Variants in CDK17 observed in about 807,000 individuals in gnomAD.
CDK17 encodes the protein cyclin dependent kinase 17.
Under a neutral mutation model 77.6 loss-of-function variants are expected in CDK17, and 24 were observed. That is an observed-to-expected ratio of 0.31 (90% CI 0.22 to 0.44). The LOEUF (loss-of-function observed/expected upper bound fraction) is 0.44, where lower values mean the gene tolerates loss of function less well. Ranked by LOEUF, CDK17 falls within the 20% of genes least tolerant of loss-of-function variation. The pLI, the probability that CDK17 is intolerant of heterozygous loss-of-function variation, is 1.00. For missense variants in CDK17, 429 were observed against 622.5 expected (o/e 0.69, Z 3.31); for synonymous variants, 203 against 210.4 (o/e 0.96, Z 0.30).
At chr12:96,289,113 AAC>A in intron 11 of CDK17, 52 bp downstream of exon 11, 3 of 1,566,062 alleles carry the variant, frequency 1.9e-6, no homozygotes, top group South Asian at 2.2e-5. Context: ...ATCTTGCATT[AAC>A]AGTTACATTC....
chr12:96,288,300 A>G (rs1467382741), intron 11 of CDK17, among the ~76,000 whole-genome samples: 2 of 152,212 alleles, frequency 1.3e-5, no homozygotes, highest in Admixed American at 6.5e-5. Flanking sequence ...CATGAAGAAC[A>G]TAGAAAATAA....
chr12:96,335,769 G>C (rs1357751432), intron 1 of CDK17, among the ~76,000 whole-genome samples: 1 of 152,060 alleles, frequency 6.6e-6, no homozygotes. Context: ...ATTCATAGTA[G>C]AGTCTTGGAT....
rs1324515076 is a variant in CDK17 at position 96,383,831 on chromosome 12, T to G, written c.-30+16155A>C. Among the ~76,000 whole-genome samples the G allele has an allele frequency of 2.6e-5, 4 of 151,998 alleles. No individual in the cohort carries two copies. In the East Asian group the frequency reaches 7.7e-4, roughly 29 times the overall value. On this transcript the variant is annotated intron_variant, in intron 1 of 16. Coordinates refer to ENST00000261211, the MANE Select transcript of CDK17 (RefSeq NM_002595.5). ...TCCTAGAAGAAAACCCAGGAAACAC[T>G]CTTCCAGACATCAGCATTGGCAAAG...
intron 9 of CDK17, among the ~76,000 whole-genome samples, chr12:96,295,735 G>A (rs753561426): frequency 2.0e-5 from 3 of 152,106 alleles, no homozygotes; most frequent in Non-Finnish European, 4.4e-5. Flanking sequence ...CTCCTACTTA[G>A]CCTTCAAAAT....
At chr12:96,336,382 T>C (rs2137145974) in intron 1 of CDK17, among the ~76,000 whole-genome samples, 1 of 152,312 alleles carries the variant, frequency 6.6e-6, no homozygotes, top group African/African-American at 2.4e-5. Context: ...GAGGATCACT[T>C]TGAGCCCATG....
At chr12:96,349,969 A>C (rs1953286459) in intron 1 of CDK17, among the ~76,000 whole-genome samples, 1 of 152,262 alleles carries the variant, frequency 6.6e-6, no homozygotes, top group Admixed American at 6.5e-5. Flanking sequence ...GTATTTCTAT[A>C]GGTTAGCAAT....
chr12:96,298,888 G>A lies in CDK17; in HGVS notation c.696C>T (p.Pro232=). The part of the protein sequence containing the change: ...EIRLEHEEGA[P]CTAIREVSLL... ...TTATACCTTCTCTTATAGCTGTGCA[G>A]GGTGCACCTTCTTCATGTTCCAATC... Residue 232 remains proline (P), a synonymous_variant, in exon 7 of 17, where the codon CCC becomes CCT. Transcript: ENST00000261211. The A allele has an allele frequency of 6.3e-7, 1 of 1,590,808 alleles. No homozygotes were observed. The highest frequency in any genetic ancestry group is 8.6e-7 in the Non-Finnish European group (1 of 1,160,018).
intron 1 of CDK17, among the ~76,000 whole-genome samples, chr12:96,354,689 T>C (rs546262148): frequency 5.9e-5 from 9 of 152,068 alleles, no homozygotes; most frequent in Non-Finnish European, 1.2e-4. Flanking sequence ...AAGACCAGCC[T>C]TGGCAACATA....
chr12:96,324,141 C>A, intron 2 of CDK17, 29 bp from the exon 3 acceptor site: 1 of 1,565,074 alleles, frequency 6.4e-7, no homozygotes, highest in Non-Finnish European at 8.7e-7. Context: ...GAAAATCATT[C>A]CATCATCAGT....
At position 96,303,426 on chromosome 12, in the gene CDK17, A is replaced by G. The variant is rs149335745; in HGVS notation, c.544-3066T>C. On this transcript the variant is annotated intron_variant, in intron 5 of 16. Transcript: ENST00000261211. ...ATGCCAACTATAATCACAAGTTGTC[A>G]TGGTGGGGGTATTTGGGAAAAATTT... 10 of 152,320 alleles carry G rather than the reference A, an allele frequency of 6.6e-5. 1 individual carries two copies. The highest frequency in any genetic ancestry group is 2.4e-4 in the African/African-American group (10 of 41,584). 9.4% of individuals were successfully genotyped at this position (152,320 alleles called of 1,614,324 possible). A position where few individuals can be genotyped will look rare whatever the true frequency, so the allele number is the denominator to read the frequency against.
rs908578665 is a variant in CDK17 at position 96,308,994 on chromosome 12, C to G, written c.543+2058G>C. Reference sequence around the variant, plus strand: ...CTTTCTCTCTAATTCATTGTTTGTACTTTTCCTAAAGCTATTGCTATGAAA... The same window carrying G: ...CTTTCTCTCTAATTCATTGTTTGTAGTTTTCCTAAAGCTATTGCTATGAAA... On this transcript the variant is annotated intron_variant, in intron 5 of 16. Transcript: ENST00000261211. 2.0e-5 allele frequency among the ~76,000 whole-genome samples: 3 copies of G among 152,070 alleles called. No homozygotes were observed. In the East Asian group the frequency reaches 5.8e-4, roughly 29 times the overall value.
intron 1 of CDK17, among the ~76,000 whole-genome samples, chr12:96,368,100 A>G (rs960872871): frequency 6.6e-6 from 1 of 152,122 alleles, no homozygotes; most frequent in African/African-American, 2.4e-5. Context: ...GGAAAAGTTC[A>G]ATAGGAAAAA....
chr12:96,360,143 G>C (rs1210022773), intron 1 of CDK17, among the ~76,000 whole-genome samples: 3 of 152,174 alleles, frequency 2.0e-5, no homozygotes, highest in Admixed American at 1.3e-4. Context: ...GGAGAGGAAA[G>C]CATACTGCAA....
intron 5 of CDK17, among the ~76,000 whole-genome samples, chr12:96,303,945 T>C (rs1434881912): frequency 6.6e-6 from 1 of 152,208 alleles, no homozygotes; most frequent in Non-Finnish European, 1.5e-5. Flanking sequence ...GTACTAGGTT[T>C]TTCCCTATAC....
chr12:96,284,184 A>G (rs886254575), intron 13 of CDK17, among the ~76,000 whole-genome samples: 4 of 152,156 alleles, frequency 2.6e-5, no homozygotes, highest in Admixed American at 1.3e-4. Flanking sequence ...AACTTCATCA[A>G]TGGTGGCCAG....
At chr12:96,304,506 C>T (rs575173222) in intron 5 of CDK17, among the ~76,000 whole-genome samples, 142 of 151,848 alleles carry the variant, frequency 9.4e-4, no homozygotes, top group African/African-American at 3.4e-3. Flanking sequence ...CACTGCACTC[C>T]AGCCTGGCGA....
chr12:96,390,739 A>G (rs1259711055), intron 1 of CDK17, among the ~76,000 whole-genome samples: 1 of 149,900 alleles, frequency 6.7e-6, no homozygotes, highest in Non-Finnish European at 1.5e-5. Context: ...GACAGAAAAG[A>G]AAAAGAAAAA....
intron 5 of CDK17, among the ~76,000 whole-genome samples, chr12:96,301,250 A>AC (rs1229011801): frequency 2.0e-5 from 3 of 147,864 alleles, no homozygotes; most frequent in East Asian, 2.0e-4. Flanking sequence ...CCAAAAAAAA[A>AC]AAAAAAAAAC....
intron 5 of CDK17, among the ~76,000 whole-genome samples, chr12:96,308,875 T>A (rs1952612400): frequency 1.3e-5 from 2 of 151,974 alleles, no homozygotes; most frequent in African/African-American, 2.4e-5. Context: ...TATCCCTTCC[T>A]GGTCCCTAGG....
Sources: gnomAD v4.1 joint callset for allele counts (sites outside exome capture counted in the v4.1 genomes callset) on GRCh38, gnomAD v4.1.1 for gene constraint, MANE v1.5 for transcripts, NCBI Gene and HGNC (gene_info 2026-07-23, HGNC 2026-07-21) for gene names.